Variants in RPS6KC1 observed in about 807,000 individuals in gnomAD.
RPS6KC1 encodes ribosomal protein S6 kinase C1.
RPS6KC1 carries 54 observed loss-of-function variants against 103.8 expected under a neutral mutation model. The observed-to-expected ratio is 0.52, with a 90% CI of 0.42 to 0.65. The LOEUF (loss-of-function observed/expected upper bound fraction) is 0.65, where lower values mean the gene tolerates loss of function less well. RPS6KC1 is among the 30% of genes least tolerant of loss of function. RPS6KC1 has a pLI of 0.00. For missense variants in RPS6KC1, 1,151 were observed against 1,253.8 expected, an observed-to-expected ratio of 0.92 and a Z score of 1.24; for synonymous variants, 439 against 438.7, an observed-to-expected ratio of 1.00 and a Z score of -0.01.
rs563570159 is a variant in RPS6KC1, at chr1:213,266,890, T to C, written c.3090+4074T>C. Among the ~76,000 whole-genome samples the C allele has an allele frequency of 4.0e-5, 6 of 148,284 alleles. No homozygotes were observed. The East Asian group carries it at 9.8e-4, about 24-fold the overall frequency. ...TGCACTCCAGCCTGGGCAACAATAT[T>C]GAGGCTCCGTCTCAAACAAACAAAC... On this transcript the variant is annotated intron_variant, in intron 14 of 14. Coordinates refer to ENST00000366960, the MANE Select transcript of RPS6KC1 (RefSeq NM_012424.6).
chr1:213,515,762 T>G, the RPS6KC1 span, among the ~76,000 whole-genome samples: 1 of 152,216 alleles, frequency 6.6e-6, no homozygotes, highest in Non-Finnish European at 1.5e-5. Flanking sequence ...TTCAATTCTG[T>G]GAAGAAAGTC....
the RPS6KC1 span, among the ~76,000 whole-genome samples, chr1:213,468,039 T>C: frequency 2.6e-5 from 4 of 152,212 alleles, no homozygotes; most frequent in Non-Finnish European, 5.9e-5. Context: ...ATTACCTTGT[T>C]CTCCTAACGG....
chr1:213,075,917 C>A (rs141736975), intron 2 of RPS6KC1, among the ~76,000 whole-genome samples: 3 of 152,158 alleles, frequency 2.0e-5, no homozygotes, highest in Admixed American at 6.5e-5. Flanking sequence ...TTTTGTGAAG[C>A]CTTCTCAGAC....
chr1:213,101,491 T>C (rs1044595627), intron 3 of RPS6KC1, among the ~76,000 whole-genome samples: 4 of 152,230 alleles, frequency 2.6e-5, no homozygotes, highest in African/African-American at 9.6e-5. Flanking sequence ...GTACAAGAAA[T>C]GCTTTTGACA....
the RPS6KC1 span, among the ~76,000 whole-genome samples, chr1:213,355,224 A>G: frequency 1.5e-4 from 19 of 128,450 alleles, no homozygotes; most frequent in African/African-American, 4.1e-4. Flanking sequence ...CTCACAAAGG[A>G]AAAAAAAAAG....
At chr1:213,667,969 T>C in the RPS6KC1 span, among the ~76,000 whole-genome samples, 1 of 152,234 alleles carries the variant, frequency 6.6e-6, no homozygotes, top group Non-Finnish European at 1.5e-5. Context: ...CTACTTCTAA[T>C]TCTAGTTCTC....
the RPS6KC1 span, among the ~76,000 whole-genome samples, chr1:213,310,058 G>GA: frequency 6.6e-6 from 1 of 152,044 alleles, no homozygotes; most frequent in African/African-American, 2.4e-5. Flanking sequence ...TGTATACCTG[G>GA]ATCTGACTCC....
the RPS6KC1 span, among the ~76,000 whole-genome samples, chr1:213,785,207 G>A: frequency 9.9e-5 from 15 of 152,160 alleles, no homozygotes; most frequent in South Asian, 2.1e-4. Context: ...AAAGCTGTTC[G>A]TATCAAATTA....
the RPS6KC1 span, among the ~76,000 whole-genome samples, chr1:213,794,978 T>C: frequency 6.6e-6 from 1 of 152,188 alleles, no homozygotes; most frequent in Non-Finnish European, 1.5e-5. Flanking sequence ...CCTCTAAAGG[T>C]GATGTCAGCA....
At chr1:213,804,024 T>G in the RPS6KC1 span, among the ~76,000 whole-genome samples, 1 of 151,410 alleles carries the variant, frequency 6.6e-6, no homozygotes, top group African/African-American at 2.4e-5. Flanking sequence ...GACAAGTTAA[T>G]GGGTGCAGCA....
the RPS6KC1 span, among the ~76,000 whole-genome samples, chr1:213,471,255 C>T: frequency 3.3e-5 from 5 of 152,150 alleles, no homozygotes; most frequent in Non-Finnish European, 5.9e-5. Flanking sequence ...GCTCCAGGCT[C>T]ATCTTGTGTA....
the RPS6KC1 span, among the ~76,000 whole-genome samples, chr1:213,611,541 G>A: frequency 2.0e-5 from 3 of 152,168 alleles, no homozygotes; most frequent in South Asian, 6.2e-4. Flanking sequence ...GACAATAGGT[G>A]TTATCCAGGA....
the RPS6KC1 span, among the ~76,000 whole-genome samples, chr1:213,448,225 C>CAAAAAAAAAAAA: frequency 1.3e-5 from 1 of 75,822 alleles, no homozygotes; most frequent in Non-Finnish European, 2.3e-5. Flanking sequence ...GTGAGACTGT[C>CAAAAAAAAAAAA]AAAAAAAAAA....
At chr1:213,331,824 C>T in the RPS6KC1 span, among the ~76,000 whole-genome samples, 147 of 152,226 alleles carry the variant, frequency 9.7e-4, no homozygotes, top group Non-Finnish European at 1.4e-3. Context: ...AACTTGTCCC[C>T]GCAGCTGAGC....
chr1:213,716,425 TC>T, the RPS6KC1 span, among the ~76,000 whole-genome samples: 1 of 152,186 alleles, frequency 6.6e-6, no homozygotes, highest in Non-Finnish European at 1.5e-5. Flanking sequence ...TCTTAACTGA[TC>T]CCCTTTCCTC....
the RPS6KC1 span, among the ~76,000 whole-genome samples, chr1:213,532,863 TG>T: frequency 2.6e-5 from 4 of 152,264 alleles, no homozygotes; most frequent in African/African-American, 9.6e-5. Context: ...ACAGGTACTG[TG>T]GGGAACACTG....
the RPS6KC1 span, among the ~76,000 whole-genome samples, chr1:213,525,295 A>G: frequency 6.6e-6 from 1 of 152,136 alleles, no homozygotes; most frequent in Admixed American, 6.5e-5. Context: ...GGTGTAAGAG[A>G]AAGAGAGGAA....
the RPS6KC1 span, among the ~76,000 whole-genome samples, chr1:213,524,509 T>C: frequency 1.3e-5 from 2 of 152,160 alleles, no homozygotes; most frequent in East Asian, 3.9e-4. Context: ...GAGACTTTCC[T>C]TCCAAGCTTC....
the RPS6KC1 span, among the ~76,000 whole-genome samples, chr1:213,428,531 T>TTCCTTCCTTC: frequency 8.3e-6 from 1 of 120,496 alleles, no homozygotes; most frequent in African/African-American, 3.2e-5. Context: ...TTTCTCTCTC[T>TTCCTTCCTTC]CTCTCTCTCT....
Sources: gnomAD v4.1 joint callset for allele counts (sites outside exome capture counted in the v4.1 genomes callset) on GRCh38, gnomAD v4.1.1 for gene constraint, MANE v1.5 for transcripts, NCBI Gene and HGNC (gene_info 2026-07-23, HGNC 2026-07-21) for gene names.